Variants in AP3B1 observed in about 807,000 individuals in gnomAD.
AP3B1 encodes the protein adaptor related protein complex 3 subunit beta 1, also known as AP-3 complex subunit beta-1.
In AP3B1, 61 loss-of-function variants were observed where a neutral mutation model predicts 132.5. The observed-to-expected ratio is 0.46, with a 90% CI of 0.37 to 0.57. The LOEUF is 0.57. Ranked by LOEUF, AP3B1 falls within the 20% of genes least tolerant of loss-of-function variation. AP3B1 has a pLI of 0.00. For missense variants in AP3B1, 1,120 were observed against 1,289.4 expected, an observed-to-expected ratio of 0.87 and a Z score of 2.01; for synonymous variants, 388 against 438.3, an observed-to-expected ratio of 0.89 and a Z score of 1.43.
At chr5:78,014,043 G>A (rs1040180473) in intron 26 of AP3B1, among the ~76,000 whole-genome samples, 8 of 152,076 alleles carry the variant, frequency 5.3e-5, no homozygotes, top group African/African-American at 1.7e-4. Context: ...GGTGCCTGTA[G>A]TCCCAGCCAC....
chr5:78,156,786 A>T (rs1219041236), intron 13 of AP3B1, among the ~76,000 whole-genome samples: 1 of 152,230 alleles, frequency 6.6e-6, no homozygotes, highest in Non-Finnish European at 1.5e-5. Context: ...ATTCTGCAGA[A>T]AACAGCAAAC....
At chr5:78,181,011 T>C (rs1744342955) in intron 8 of AP3B1, among the ~76,000 whole-genome samples, 1 of 152,068 alleles carries the variant, frequency 6.6e-6, no homozygotes, top group Non-Finnish European at 1.5e-5. Flanking sequence ...ATTTATAATA[T>C]GTGAGGCATT....
chr5:78,181,731 G>A, intron 7 of AP3B1, 69 bp from the exon 8 acceptor site: 1 of 1,435,940 alleles, frequency 7.0e-7, no homozygotes. Flanking sequence ...TATAGTCAAA[G>A]AAAACTTTCC....
intron 1 of AP3B1, among the ~76,000 whole-genome samples, chr5:78,288,665 G>A (rs1186007328): frequency 1.3e-5 from 2 of 152,140 alleles, no homozygotes; most frequent in Non-Finnish European, 2.9e-5. Context: ...AATGTTAATG[G>A]AATCTAAATC....
At chr5:78,090,584 T>C (rs563309739) in intron 21 of AP3B1, among the ~76,000 whole-genome samples, 52 of 152,386 alleles carry the variant, frequency 3.4e-4, no homozygotes, top group African/African-American at 1.2e-3. Context: ...TCCACAGATA[T>C]ACTTGAACAA....
intron 22 of AP3B1, among the ~76,000 whole-genome samples, chr5:78,057,539 A>ATAACACTTT (rs1748866692): frequency 6.6e-6 from 1 of 152,234 alleles, no homozygotes; most frequent in Non-Finnish European, 1.5e-5. Context: ...TCATAGATCC[A>ATAACACTTT]TAACACTTTG....
intron 2 of AP3B1, among the ~76,000 whole-genome samples, chr5:78,253,476 C>A (rs552884934): frequency 6.6e-6 from 1 of 152,336 alleles, no homozygotes; most frequent in South Asian, 2.1e-4. Flanking sequence ...ATACCTAACG[C>A]TCCAATGCCC....
At chr5:78,090,085 T>A (rs1206066320) in intron 21 of AP3B1, among the ~76,000 whole-genome samples, 3 of 152,152 alleles carry the variant, frequency 2.0e-5, no homozygotes, top group African/African-American at 7.2e-5. Context: ...GTCATGTTAC[T>A]CCCCTGCTTA....
chr5:78,221,396 A>G (rs1746172101), intron 6 of AP3B1, among the ~76,000 whole-genome samples: 1 of 152,212 alleles, frequency 6.6e-6, no homozygotes, highest in African/African-American at 2.4e-5. Context: ...ACACTTCAAA[A>G]TGAATTAAAT....
At chr5:78,146,509 G>C (rs896067069) in intron 14 of AP3B1, among the ~76,000 whole-genome samples, 6 of 152,012 alleles carry the variant, frequency 3.9e-5, no homozygotes, top group African/African-American at 1.2e-4. Flanking sequence ...TCATATTCCA[G>C]ATTTGTCTAC....
chr5:78,214,005 G>A (rs1745860256), intron 7 of AP3B1, among the ~76,000 whole-genome samples: 1 of 152,210 alleles, frequency 6.6e-6, no homozygotes, highest in Non-Finnish European at 1.5e-5. Context: ...GAGCACCCCT[G>A]CCCTGCTTGG....
chr5:78,121,358 G>A (rs1580374263), intron 17 of AP3B1, among the ~76,000 whole-genome samples: 1 of 152,058 alleles, frequency 6.6e-6, no homozygotes, highest in East Asian at 1.9e-4. Flanking sequence ...CAGAACTGAA[G>A]GAAATAGAGA....
At chr5:78,174,464 G>C (rs1049873480) in intron 11 of AP3B1, among the ~76,000 whole-genome samples, 2 of 152,208 alleles carry the variant, frequency 1.3e-5, no homozygotes, top group Admixed American at 1.3e-4. Flanking sequence ...AGGTCTGTTG[G>C]AGTTTGCTGG....
intron 3 of AP3B1, among the ~76,000 whole-genome samples, chr5:78,233,526 C>T (rs950402790): frequency 6.6e-5 from 10 of 152,260 alleles, no homozygotes; most frequent in Middle Eastern, 3.4e-3. Context: ...TGAGCCACCA[C>T]GCCCAGCCCA....
chr5:78,139,116 A>G (rs1354842531), intron 15 of AP3B1, among the ~76,000 whole-genome samples: 1 of 152,064 alleles, frequency 6.6e-6, no homozygotes, highest in South Asian at 2.1e-4. Flanking sequence ...CATGCTCTAC[A>G]ATAAACAGTA....
intron 23 of AP3B1, among the ~76,000 whole-genome samples, 170 bp downstream of exon 23, chr5:78,038,873 T>C (rs1747920718): frequency 6.6e-6 from 1 of 152,190 alleles, no homozygotes; most frequent in South Asian, 2.1e-4. Context: ...TTATCTTATA[T>C]GATAAATTCA....
chr5:78,014,145 A>C (rs1300549889), intron 26 of AP3B1, among the ~76,000 whole-genome samples: 2 of 152,192 alleles, frequency 1.3e-5, no homozygotes, highest in African/African-American at 4.8e-5. Flanking sequence ...CCTGGGTGAC[A>C]GAGTAAGACT....
At chr5:78,210,075 A>G (rs1395156212) in intron 7 of AP3B1, among the ~76,000 whole-genome samples, 2 of 152,182 alleles carry the variant, frequency 1.3e-5, no homozygotes, top group East Asian at 3.8e-4. Flanking sequence ...GTTACTTAAA[A>G]CAGTGCACAA....
intron 24 of AP3B1, among the ~76,000 whole-genome samples, chr5:78,023,057 G>A (rs1747172758): frequency 6.6e-6 from 1 of 152,196 alleles, no homozygotes; most frequent in South Asian, 2.1e-4. Flanking sequence ...GCAAGGGGAA[G>A]ATGGAATATT....
Sources: allele counts gnomAD v4.1 joint callset (sites outside exome capture counted in the v4.1 genomes callset), GRCh38; gene constraint gnomAD v4.1.1; transcripts MANE v1.5; gene names NCBI Gene and HGNC (gene_info 2026-07-23, HGNC 2026-07-21).